SYNPO2: variants seen among roughly 807,000 people sequenced by gnomAD.
SYNPO2 encodes synaptopodin-2.
In SYNPO2, 56 loss-of-function variants were observed where a neutral mutation model predicts 85.0. The observed-to-expected ratio is 0.66, with a 90% confidence interval of 0.53 to 0.82. SYNPO2 has a LOEUF of 0.82. Ranked by LOEUF, SYNPO2 falls within the 40% of genes least tolerant of loss-of-function variation. The probability of loss-of-function intolerance (pLI) is 0.00; values close to 1 mark genes in which losing one functional copy is unlikely to be tolerated. For missense variants in SYNPO2, 1,575 were observed against 1,534.2 expected (o/e 1.03, Z -0.44); for synonymous variants, 602 against 591.1 (o/e 1.02, Z -0.27).
chr4:118,915,242 A>G (rs1733276683), intron 1 of SYNPO2, among the ~76,000 whole-genome samples: 1 of 152,120 alleles, frequency 6.6e-6, no homozygotes, highest in South Asian at 2.1e-4. Context: ...AACAAAAACT[A>G]AGATAATACC....
At chr4:118,887,166 A>AGTGTGT (rs71595329), upstream of SYNPO2, among the ~76,000 whole-genome samples, 5,368 of 139,038 alleles carry the variant, frequency 0.039, 346 homozygotes, top group African/African-American at 0.13. Flanking sequence ...CATCTGAGTG[A>AGTGTGT]GTGTGTGTGT....
At chr4:118,954,455 T>C (rs1734801664) in intron 1 of SYNPO2, among the ~76,000 whole-genome samples, 2 of 152,196 alleles carry the variant, frequency 1.3e-5, no homozygotes, top group Non-Finnish European at 2.9e-5. Context: ...AGGGACTATG[T>C]AGGTCTCAAA....
At chr4:118,909,494 T>A (rs1380982107) in intron 1 of SYNPO2, among the ~76,000 whole-genome samples, 1 of 152,192 alleles carries the variant, frequency 6.6e-6, no homozygotes, top group Non-Finnish European at 1.5e-5. Context: ...ACTTAGGAAC[T>A]GTTTTCCATT....
At chr4:118,878,306 G>C (rs576826818) in intron 1 of SYNPO2, among the ~76,000 whole-genome samples, 2 of 151,948 alleles carry the variant, frequency 1.3e-5, no homozygotes, top group Non-Finnish European at 2.9e-5. Flanking sequence ...CCTATGATAC[G>C]CAATTTACCT....
intron 1 of SYNPO2, among the ~76,000 whole-genome samples, chr4:118,993,975 G>A (rs952454890): frequency 6.6e-6 from 1 of 152,206 alleles, no homozygotes; most frequent in Admixed American, 6.5e-5. Flanking sequence ...CCAGCTGATC[G>A]TCAGTCCTAT....
In SYNPO2 at chr4:119,059,302, GT is replaced by G. The variant is rs1739328793; in HGVS notation, c.*1369del. 1.3e-5 allele frequency: 2 copies of G among 152,146 alleles called. No homozygotes were observed. Among genetic ancestry groups the G allele is most frequent in the African/African-American group, 4.8e-5 (2 of 41,412 alleles). The allele number at this position is 152,146 out of a possible 1,614,324, so 9.4% of individuals were successfully genotyped here. On this transcript the variant is annotated 3_prime_UTR_variant, in exon 5 of 5. Transcript: ENST00000307142. ...TATGTCTGTTATTATGCAATCGTAG[GT>G]CATGATAATTTATTCAGTTATAGAA...
chr4:118,965,070 T>C (rs1308213982), intron 1 of SYNPO2, among the ~76,000 whole-genome samples: 2 of 152,194 alleles, frequency 1.3e-5, no homozygotes, highest in African/African-American at 4.8e-5. Context: ...TAGCTGTTCC[T>C]TTATCTCTGT....
At chr4:119,039,911 G>A (rs1228112132) in intron 4 of SYNPO2, among the ~76,000 whole-genome samples, 1 of 152,180 alleles carries the variant, frequency 6.6e-6, no homozygotes, top group East Asian at 1.9e-4. Context: ...CCCACAAGAA[G>A]TACATTGGTA....
chr4:118,903,109 TA>T (rs143433420), intron 1 of SYNPO2, among the ~76,000 whole-genome samples: 14 of 151,926 alleles, frequency 9.2e-5, no homozygotes, highest in African/African-American at 2.2e-4. Flanking sequence ...CCTTTGTAGA[TA>T]AAAAAAATAT....
At chr4:119,032,873 G>A (rs28607397) in intron 4 of SYNPO2, 90 of 361,420 alleles carry the variant, frequency 2.5e-4, no homozygotes, top group South Asian at 6.9e-4. Context: ...AATAATAATA[G>A]TAATAATGAA....
chr4:118,879,327 T>C (rs150796017), intron 1 of SYNPO2, among the ~76,000 whole-genome samples: 3 of 152,190 alleles, frequency 2.0e-5, no homozygotes, highest in Non-Finnish European at 2.9e-5. Flanking sequence ...TTCCCTAGGC[T>C]CTGGGGAACT....
At chr4:118,960,961 C>T (rs1735058508) in intron 1 of SYNPO2, among the ~76,000 whole-genome samples, 1 of 152,194 alleles carries the variant, frequency 6.6e-6, no homozygotes, top group African/African-American at 2.4e-5. Flanking sequence ...CCTTTCTCCG[C>T]AGAAGCTAGC....
At chr4:118,900,787 A>C (rs895865518) in intron 1 of SYNPO2, among the ~76,000 whole-genome samples, 2 of 110,690 alleles carry the variant, frequency 1.8e-5, no homozygotes, top group East Asian at 2.8e-4. Context: ...ATCTATCTAT[A>C]GATATTTGTC....
At chr4:118,966,471 C>T (rs1443445289) in intron 1 of SYNPO2, among the ~76,000 whole-genome samples, 1 of 152,062 alleles carries the variant, frequency 6.6e-6, no homozygotes, top group Non-Finnish European at 1.5e-5. Flanking sequence ...CTTGTAAACC[C>T]CAAGGGAGGA....
intron 1 of SYNPO2, among the ~76,000 whole-genome samples, chr4:118,880,677 G>A (rs550135344): frequency 1.3e-5 from 2 of 151,486 alleles, no homozygotes; most frequent in African/African-American, 4.9e-5. Context: ...AACCCCGGAG[G>A]TGGAGGTTAC....
chr4:119,035,307 T>C, intron 4 of SYNPO2: 1 of 985,454 alleles, frequency 1.0e-6, no homozygotes, highest in Non-Finnish European at 1.2e-6. Flanking sequence ...GAAGGTTCCA[T>C]GGACATGTAA....
chr4:119,037,028 G>T, intron 4 of SYNPO2: 4 of 1,375,706 alleles, frequency 2.9e-6, no homozygotes, highest in Non-Finnish European at 2.8e-6. Context: ...TTATTTTTTG[G>T]TTCCAAATGT....
intron 1 of SYNPO2, among the ~76,000 whole-genome samples, chr4:119,022,085 A>C (rs1170322097): frequency 2.0e-5 from 3 of 152,098 alleles, no homozygotes; most frequent in Non-Finnish European, 2.9e-5. Context: ...GATTTCAATG[A>C]AGCATTTCTC....
intron 1 of SYNPO2, among the ~76,000 whole-genome samples, chr4:118,927,765 A>AGACAGATAGAT (rs1553938521): frequency 0.11 from 10,549 of 93,434 alleles, 521 homozygotes; most frequent in Middle Eastern, 0.18. Context: ...ATAGATATAT[A>AGACAGATAGAT]GATAGATAGA....
Sources: gnomAD v4.1 joint callset for allele counts (sites outside exome capture counted in the v4.1 genomes callset) on GRCh38, gnomAD v4.1.1 for gene constraint, MANE v1.5 for transcripts, NCBI Gene and HGNC (gene_info 2026-07-23, HGNC 2026-07-21) for gene names.